Variants in CSGALNACT1 observed in about 807,000 individuals in gnomAD.
CSGALNACT1 encodes the protein beta4GalNAcT-1.
CSGALNACT1 carries 52 observed loss-of-function variants against 51.0 expected under a neutral mutation model. That is an observed-to-expected ratio of 1.02 (90% CI 0.82 to 1.29). The LOEUF is 1.29. Among genes scored for constraint, CSGALNACT1 ranks in the 50% most tolerant of loss-of-function variants. The probability of loss-of-function intolerance (pLI) is 0.00; values close to 1 mark genes in which losing one functional copy is unlikely to be tolerated. For missense variants in CSGALNACT1, 935 were observed against 679.2 expected, an observed-to-expected ratio of 1.38 and a Z score of -4.19; for synonymous variants, 341 against 254.4, an observed-to-expected ratio of 1.34 and a Z score of -3.24.
intron 3 of CSGALNACT1, among the ~76,000 whole-genome samples, chr8:19,568,847 T>C (rs1450222360): frequency 6.6e-6 from 1 of 152,192 alleles, no homozygotes; most frequent in Non-Finnish European, 1.5e-5. Flanking sequence ...GACAGCTTTT[T>C]ATATGGGGAT....
At chr8:19,616,076 T>C (rs1489703872) in intron 1 of CSGALNACT1, among the ~76,000 whole-genome samples, 1 of 152,104 alleles carries the variant, frequency 6.6e-6, no homozygotes, top group Non-Finnish European at 1.5e-5. Flanking sequence ...AAAAAAAAGT[T>C]TTGAAATACA....
intron 1 of CSGALNACT1, among the ~76,000 whole-genome samples, chr8:19,712,770 T>C (rs149276777): frequency 1.3e-4 from 20 of 152,256 alleles, no homozygotes; most frequent in African/African-American, 4.3e-4. Flanking sequence ...TAAAGACAGA[T>C]GAGCATCTCA....
At chr8:19,691,297 C>G (rs2061305153) in intron 1 of CSGALNACT1, among the ~76,000 whole-genome samples, 1 of 152,130 alleles carries the variant, frequency 6.6e-6, no homozygotes, top group African/African-American at 2.4e-5. Flanking sequence ...GCACAGGCCT[C>G]CTCCCAAACA....
intron 1 of CSGALNACT1, among the ~76,000 whole-genome samples, chr8:19,736,726 G>C (rs1351424480): frequency 6.6e-6 from 1 of 152,012 alleles, no homozygotes; most frequent in Non-Finnish European, 1.5e-5. Context: ...ACAGCACAGA[G>C]GGAGAAAAAA....
chr8:19,538,472 A>T (rs188904263), intron 3 of CSGALNACT1, among the ~76,000 whole-genome samples: 1 of 152,234 alleles, frequency 6.6e-6, no homozygotes, highest in East Asian at 1.9e-4. Flanking sequence ...AGATACTTGT[A>T]ATTGGAATGA....
intron 1 of CSGALNACT1, among the ~76,000 whole-genome samples, chr8:19,632,923 T>TC (rs1478335054): frequency 6.0e-5 from 3 of 50,028 alleles, no homozygotes. Context: ...CCCAGCTAAT[T>TC]TTTTTTTCTT....
chr8:19,553,639 A>ATATACATGTATAT lies in CSGALNACT1; in HGVS notation c.-297+37520_-297+37521insATATACATGTATA, dbSNP rs869251447. Among the ~76,000 whole-genome samples the ATATACATGTATAT allele has an allele frequency of 1.7e-4, 22 of 126,610 alleles. 1 individual carries two copies. Among genetic ancestry groups the ATATACATGTATAT allele is most frequent in the African/African-American group, 6.6e-4 (21 of 31,640 alleles). 83.1% of individuals were successfully genotyped at this position (126,610 alleles called of 152,430 possible). On this transcript the variant is annotated intron_variant, in intron 3 of 9. Coordinates refer to ENST00000454498, the Ensembl canonical transcript of CSGALNACT1. ...TAAATACATATATATATATATATAT[A>ATATACATGTATAT]AAAAAATATGTCAGCCTTTCTATTA...
chr8:19,566,615 A>G (rs1239690169), intron 3 of CSGALNACT1, among the ~76,000 whole-genome samples: 5 of 152,220 alleles, frequency 3.3e-5, no homozygotes, highest in East Asian at 1.9e-4. Flanking sequence ...TGCATTTTAA[A>G]TAAGTATAAT....
At position 19,406,840 on chromosome 8, in the gene CSGALNACT1, C is replaced by T. The variant is rs535580622; in HGVS notation, c.1310-771G>A. 2.0e-5 allele frequency among the ~76,000 whole-genome samples: 3 copies of T among 152,196 alleles called. No individual in the cohort carries two copies. The East Asian group carries it at 5.8e-4, about 30-fold the overall frequency. Reference sequence around the variant, plus strand: ...TCTCCTGCCTCAGCCTCCCAAGTAGCTAGGACAACAGGCACATGTCACCAT... The same window carrying T: ...TCTCCTGCCTCAGCCTCCCAAGTAGTTAGGACAACAGGCACATGTCACCAT... On this transcript the variant is annotated intron_variant, in intron 9 of 9. Coordinates refer to ENST00000454498, the Ensembl canonical transcript of CSGALNACT1.
intron 1 of CSGALNACT1, among the ~76,000 whole-genome samples, chr8:19,742,375 T>C (rs2064368511): frequency 6.6e-6 from 1 of 152,242 alleles, no homozygotes; most frequent in Non-Finnish European, 1.5e-5. Context: ...TAAATTAACC[T>C]GTTTATCTCT....
chr8:19,404,622 A>ATTTT, exon 10 of CSGALNACT1: 2 of 434,128 alleles, frequency 4.6e-6, no homozygotes, highest in South Asian at 1.7e-5. Context: ...ATATATATAT[A>ATTTT]TTTTTTTCTC....
At chr8:19,754,911 C>G (rs2065261637) in intron 1 of CSGALNACT1, among the ~76,000 whole-genome samples, 1 of 152,158 alleles carries the variant, frequency 6.6e-6, no homozygotes, top group African/African-American at 2.4e-5. Flanking sequence ...AAAGTCTACC[C>G]TAGCTTTGCC....
chr8:19,640,846 A>G (rs1470341884), intron 1 of CSGALNACT1, among the ~76,000 whole-genome samples: 1 of 152,188 alleles, frequency 6.6e-6, no homozygotes, highest in Non-Finnish European at 1.5e-5. Flanking sequence ...TATTTCAGAA[A>G]GTAGAATTAT....
chr8:19,689,339 G>A (rs893039106), intron 1 of CSGALNACT1, among the ~76,000 whole-genome samples: 1 of 152,140 alleles, frequency 6.6e-6, no homozygotes, highest in South Asian at 2.1e-4. Flanking sequence ...CCCCGGCCCT[G>A]GACCCCAACT....
At chr8:19,419,657 A>C (rs553376230) in intron 7 of CSGALNACT1, among the ~76,000 whole-genome samples, 1 of 152,272 alleles carries the variant, frequency 6.6e-6, no homozygotes, top group South Asian at 2.1e-4. Context: ...TAGGGTTGGC[A>C]GTTTTCCAGC....
At position 19,492,430 on chromosome 8, in the gene CSGALNACT1, C is replaced by T. The variant is rs373509118; in HGVS notation, c.634+12771G>A. Among the ~76,000 whole-genome samples, 202 of 152,342 alleles carry T rather than the reference C, an allele frequency of 1.3e-3. 1 individual carries two copies. The highest frequency in any genetic ancestry group is 4.7e-3 in the African/African-American group (194 of 41,568). ...CTCTTCAGTTTCCTGCACGCTACTC[C>T]TGATCTCCTGATTCAGAAGGCATTT... On this transcript the variant is annotated intron_variant, in intron 4 of 9. Transcript: ENST00000454498.
chr8:19,422,584 G>T lies in CSGALNACT1; in HGVS notation c.954-2066C>A, dbSNP rs562620391. Among the ~76,000 whole-genome samples the T allele has an allele frequency of 2.6e-5, 4 of 152,040 alleles. No individual in the cohort carries two copies. In the South Asian group the frequency reaches 6.2e-4, roughly 24 times the overall value. ...GAACTTTATCTTGAGTCTTTTCTCT[G>T]GGGGGGTGCCCCCATTGCACATTTT... On this transcript the variant is annotated intron_variant, in intron 6 of 9. Coordinates refer to ENST00000454498, the Ensembl canonical transcript of CSGALNACT1.
intron 1 of CSGALNACT1, among the ~76,000 whole-genome samples, chr8:19,648,790 AGTGG>A (rs2057510369): frequency 6.6e-6 from 1 of 152,210 alleles, no homozygotes; most frequent in Admixed American, 6.5e-5. Context: ...TGCGTGACAG[AGTGG>A]GACCCTGTCT....
At chr8:19,717,325 G>C (rs149788870) in intron 1 of CSGALNACT1, among the ~76,000 whole-genome samples, 1 of 152,334 alleles carries the variant, frequency 6.6e-6, no homozygotes, top group East Asian at 1.9e-4. Flanking sequence ...CACTGACATA[G>C]CCTATGTAGC....
Sources: gnomAD v4.1 joint callset for allele counts (sites outside exome capture counted in the v4.1 genomes callset) on GRCh38, gnomAD v4.1.1 for gene constraint, MANE v1.5 for transcripts, NCBI Gene and HGNC (gene_info 2026-07-23, HGNC 2026-07-21) for gene names.